The following GSK3B variants were observed in gnomAD, a reference collection of about 807,000 sequenced individuals.
GSK3B encodes glycogen synthase kinase 3 beta, also known as glycogen synthase kinase-3 beta.
In GSK3B, 15 loss-of-function variants were observed where a neutral mutation model predicts 56.4. The ratio of observed to expected loss-of-function variants is 0.27; its 90% CI spans 0.18 to 0.41. The LOEUF (loss-of-function observed/expected upper bound fraction) is 0.41. GSK3B is among the 10% of genes least tolerant of loss of function. GSK3B has a pLI of 1.00. For missense variants in GSK3B, 300 were observed against 513.4 expected (o/e 0.58, Z 4.02); for synonymous variants, 181 against 188.9 (o/e 0.96, Z 0.34).
At chr3:120,050,120 G>A (rs965980618) in intron 1 of GSK3B, among the ~76,000 whole-genome samples, 4 of 152,184 alleles carry the variant, frequency 2.6e-5, no homozygotes, top group Non-Finnish European at 4.4e-5. Flanking sequence ...AAAATCTGGC[G>A]GCATCCTGGC....
At chr3:119,882,737 T>C (rs1272410452) in intron 7 of GSK3B, among the ~76,000 whole-genome samples, 3 of 152,178 alleles carry the variant, frequency 2.0e-5, no homozygotes, top group Non-Finnish European at 4.4e-5. Context: ...ATTTAAAAAG[T>C]ATTTTTTTTC....
intron 1 of GSK3B, among the ~76,000 whole-genome samples, chr3:120,010,597 T>C (rs2057770121): frequency 6.6e-6 from 1 of 152,206 alleles, no homozygotes; most frequent in Non-Finnish European, 1.5e-5. Context: ...ACTGAACAAG[T>C]TGCTTGCAAA....
intron 1 of GSK3B, among the ~76,000 whole-genome samples, chr3:120,083,678 A>G (rs751211857): frequency 2.0e-5 from 3 of 152,194 alleles, no homozygotes; most frequent in Non-Finnish European, 4.4e-5. Flanking sequence ...AAGATCTGAA[A>G]ACATATGTCC....
chr3:119,936,856 A>G (rs141242655), intron 3 of GSK3B, among the ~76,000 whole-genome samples: 28 of 152,156 alleles, frequency 1.8e-4, no homozygotes, highest in African/African-American at 6.3e-4. Flanking sequence ...ATAAGGAAAC[A>G]GATAACTTGA....
chr3:119,954,877 G>A (rs1203969015), intron 2 of GSK3B, among the ~76,000 whole-genome samples: 1 of 152,106 alleles, frequency 6.6e-6, no homozygotes, highest in African/African-American at 2.4e-5. Flanking sequence ...ATTACATAAA[G>A]TTTAATAAAG....
rs562261926 is a variant in GSK3B, at chr3:120,074,033, C to T, written c.88+19314G>A. Among the ~76,000 whole-genome samples, 46 of 152,146 alleles carry T rather than the reference C, an allele frequency of 3.0e-4. No homozygotes were observed. The East Asian group carries it at 8.5e-3, about 28-fold the overall frequency. ...GAAATAAAAACAGTTGGCCAGGTGC[C>T]GCTGCTCACGACTGTAATCCCAGCA... On this transcript the variant is annotated intron_variant, in intron 1 of 10. Coordinates refer to ENST00000264235, the MANE Select transcript of GSK3B (RefSeq NM_001146156.2).
intron 9 of GSK3B, among the ~76,000 whole-genome samples, chr3:119,853,129 G>C (rs2055962597): frequency 6.6e-6 from 1 of 152,196 alleles, no homozygotes. Context: ...TCCAGCTTCA[G>C]CTTTCTACAT....
At chr3:119,833,367 G>T (rs2055634191) in intron 10 of GSK3B, among the ~76,000 whole-genome samples, 1 of 152,158 alleles carries the variant, frequency 6.6e-6, no homozygotes, top group African/African-American at 2.4e-5. Flanking sequence ...AGATCTGTGT[G>T]TCTATAAAAA....
At chr3:119,916,212 T>G in intron 4 of GSK3B, 38 bp from the exon 5 acceptor site, 2 of 1,532,258 alleles carry the variant, frequency 1.3e-6, no homozygotes, top group South Asian at 2.3e-5. Context: ...ATACTTCCTA[T>G]TCTAAACAAA....
intron 8 of GSK3B, among the ~76,000 whole-genome samples, chr3:119,869,604 G>A (rs1452640072): frequency 1.3e-5 from 2 of 152,116 alleles, no homozygotes; most frequent in Non-Finnish European, 2.9e-5. Context: ...AAGCCTTATC[G>A]AGTTTTCCCA....
chr3:120,037,974 T>C (rs1378862252), intron 1 of GSK3B, among the ~76,000 whole-genome samples: 1 of 152,180 alleles, frequency 6.6e-6, no homozygotes, highest in East Asian at 1.9e-4. Context: ...TTATTACTAA[T>C]AATCTTCCAT....
chr3:119,910,792 T>C (rs2056728008), intron 6 of GSK3B, among the ~76,000 whole-genome samples: 1 of 152,220 alleles, frequency 6.6e-6, no homozygotes, highest in Non-Finnish European at 1.5e-5. Context: ...TATGTAATAT[T>C]CTAAATCCTT....
intron 4 of GSK3B, 74 bp downstream of exon 4, chr3:119,923,299 A>G (rs1308091416): frequency 5.4e-6 from 4 of 741,646 alleles, no homozygotes; most frequent in Non-Finnish European, 9.3e-6. Flanking sequence ...TAATATAGTT[A>G]AAACATAAAA....
rs1290534042 is a variant in GSK3B, at chr3:119,824,400, T to A, written c.*2388A>T. 9.1e-6 allele frequency: 2 copies of A among 219,086 alleles called. No individual in the cohort carries two copies. The highest frequency in any genetic ancestry group is 1.8e-5 in the Non-Finnish European group (2 of 109,166). 13.6% of individuals were successfully genotyped at this position (219,086 alleles called of 1,614,324 possible). On this transcript the variant is annotated 3_prime_UTR_variant, in exon 11 of 11. Coordinates refer to ENST00000264235, the MANE Select transcript of GSK3B (RefSeq NM_001146156.2). ...ATGAGAGAAAAGCGTGACTTTTCTC[T>A]CTTCTTTTACCCCAGTTGTGGGGGG...
intron 1 of GSK3B, among the ~76,000 whole-genome samples, chr3:120,044,270 G>T (rs1208775772): frequency 1.3e-5 from 2 of 152,166 alleles, no homozygotes; most frequent in Non-Finnish European, 2.9e-5. Context: ...CACGGAATGG[G>T]AAAAACTTGG....
intron 7 of GSK3B, among the ~76,000 whole-genome samples, chr3:119,892,876 A>G (rs1239955209): frequency 6.6e-6 from 1 of 152,066 alleles, no homozygotes; most frequent in Non-Finnish European, 1.5e-5. Context: ...AAAAGGACAA[A>G]TTTTTCTAAA....
intron 7 of GSK3B, among the ~76,000 whole-genome samples, chr3:119,888,096 TAAAG>T (rs1396230026): frequency 6.6e-6 from 1 of 152,104 alleles, no homozygotes; most frequent in African/African-American, 2.4e-5. Flanking sequence ...AGTTCAGGAT[TAAAG>T]AAAGACTTCT....
At chr3:119,953,154 G>C (rs2057174698) in intron 2 of GSK3B, among the ~76,000 whole-genome samples, 1 of 152,114 alleles carries the variant, frequency 6.6e-6, no homozygotes, top group East Asian at 1.9e-4. Context: ...TGATAAATTG[G>C]AATGTAAACT....
chr3:119,847,149 G>A (rs925037537), intron 9 of GSK3B, among the ~76,000 whole-genome samples: 1 of 152,014 alleles, frequency 6.6e-6, no homozygotes. Context: ...GGGTAGGGGG[G>A]AAGGGGGAGG....
Sources: gnomAD v4.1 joint callset for allele counts (sites outside exome capture counted in the v4.1 genomes callset) on GRCh38, gnomAD v4.1.1 for gene constraint, MANE v1.5 for transcripts, NCBI Gene and HGNC (gene_info 2026-07-23, HGNC 2026-07-21) for gene names.